The following PPM1H variants were observed in gnomAD, a reference collection of about 807,000 sequenced individuals.
PPM1H encodes protein phosphatase 1H.
PPM1H carries 27 observed loss-of-function variants against 54.9 expected under a neutral mutation model. The ratio of observed to expected loss-of-function variants is 0.49; its 90% CI spans 0.36 to 0.68. The LOEUF is 0.68. Among genes scored for constraint, PPM1H ranks in the 30% least tolerant of loss-of-function variants. The pLI is 0.00. For synonymous variants in PPM1H, 305 were observed against 270.8 expected (o/e 1.13, Z -1.24); for missense variants, 596 against 667.8 (o/e 0.89, Z 1.19).
chr12:62,745,923 C>T (rs1005637463), intron 4 of PPM1H, among the ~76,000 whole-genome samples: 9 of 152,080 alleles, frequency 5.9e-5, no homozygotes, highest in East Asian at 1.9e-4. Context: ...CCAGGCATGA[C>T]GGCTCACACC....
chr12:62,794,502 AT>A (rs1049347874), intron 3 of PPM1H, among the ~76,000 whole-genome samples: 3 of 151,914 alleles, frequency 2.0e-5, no homozygotes, highest in African/African-American at 4.8e-5. Context: ...AAATATTGCC[AT>A]TTTCTTCCCT....
Position 62,828,386 on chromosome 12 carries a change from G to A in PPM1H, c.411+3728C>T, listed in dbSNP as rs1002884685. ...TCCTAAACCCTGAGAACATAGGGCC[G>A]GCTCCCACCTTGGTGTCTTTCAATT... On this transcript the variant is annotated intron_variant, in intron 2 of 9. Transcript: ENST00000228705. Among the ~76,000 whole-genome samples the A allele has an allele frequency of 6.6e-5, 10 of 152,128 alleles. No individual in the cohort carries two copies. In the East Asian group the frequency reaches 9.6e-4, roughly 15 times the overall value.
At chr12:62,796,426 C>T (rs1200909806) in intron 3 of PPM1H, among the ~76,000 whole-genome samples, 1 of 150,872 alleles carries the variant, frequency 6.6e-6, no homozygotes, top group East Asian at 2.0e-4. Flanking sequence ...ATCTGGGTTC[C>T]CAAGACCCCC....
chr12:62,931,125 T>C (rs189185221), intron 1 of PPM1H, among the ~76,000 whole-genome samples: 2 of 152,286 alleles, frequency 1.3e-5, no homozygotes, highest in East Asian at 3.9e-4. Context: ...TTTTCTACCA[T>C]CTCAAAGGGT....
chr12:62,867,032 C>T (rs759764792), intron 1 of PPM1H, among the ~76,000 whole-genome samples: 1 of 152,130 alleles, frequency 6.6e-6, no homozygotes, highest in South Asian at 2.1e-4. Context: ...CCAGTTCCAG[C>T]CTTTCCTGTG....
Position 62,863,277 on chromosome 12 carries a change from C to T in PPM1H, c.246-30998G>A, listed in dbSNP as rs191834772. On this transcript the variant is annotated intron_variant, in intron 1 of 9. Coordinates refer to ENST00000228705, the MANE Select transcript of PPM1H (RefSeq NM_020700.2). ...CTCCTGGGCTCAAGCAATCCCCCTGCTCTCACCTCCCAAAGTGTTGGGATT... is the reference window on the plus strand; with the variant it reads ...CTCCTGGGCTCAAGCAATCCCCCTGTTCTCACCTCCCAAAGTGTTGGGATT... Among the ~76,000 whole-genome samples the T allele has an allele frequency of 3.6e-3, 547 of 152,280 alleles. 5 individuals are homozygous for T. Among genetic ancestry groups the T allele is most frequent in the Non-Finnish European group, 1.8e-3 (125 of 68,024 alleles).
rs565370981 is a variant in PPM1H at position 62,663,432 on chromosome 12, C to T, written c.1397+3746G>A. Among the ~76,000 whole-genome samples the T allele has an allele frequency of 1.2e-3, 176 of 152,224 alleles. 1 individual carries two copies. The highest frequency in any genetic ancestry group is 3.9e-3 in the African/African-American group (164 of 41,528). ...GAACTCCCAGGTTCAGGTGATCCTC[C>T]TGCTTCAGCCTCCCAAAGGGTTAGG... is the stretch of plus-strand genomic sequence containing the variant. On this transcript the variant is annotated intron_variant, in intron 9 of 9. Coordinates refer to ENST00000228705, the MANE Select transcript of PPM1H (RefSeq NM_020700.2).
chr12:62,795,547 C>T (rs564886761), intron 3 of PPM1H, among the ~76,000 whole-genome samples: 52 of 151,974 alleles, frequency 3.4e-4, no homozygotes, highest in Non-Finnish European at 5.9e-4. Flanking sequence ...CCCGGGTTCA[C>T]ACCATTCTCC....
At chr12:62,911,409 A>G (rs1373940391) in intron 1 of PPM1H, among the ~76,000 whole-genome samples, 1 of 152,210 alleles carries the variant, frequency 6.6e-6, no homozygotes, top group Non-Finnish European at 1.5e-5. Context: ...TTTTTCTTGC[A>G]TATCAGATTT....
intron 1 of PPM1H, among the ~76,000 whole-genome samples, chr12:62,890,717 T>TACACAC (rs5798665): frequency 5.9e-4 from 84 of 143,290 alleles, no homozygotes; most frequent in African/African-American, 1.6e-3. Context: ...TGTGTGTGTA[T>TACACAC]ACACACACAC....
chr12:62,879,861 T>G (rs1265399236), intron 1 of PPM1H, among the ~76,000 whole-genome samples: 1 of 152,130 alleles, frequency 6.6e-6, no homozygotes, highest in Non-Finnish European at 1.5e-5. Flanking sequence ...TAAATTGGAA[T>G]CTCTGGGAAG....
chr12:62,916,929 A>T (rs1490252624), intron 1 of PPM1H, among the ~76,000 whole-genome samples: 26 of 149,012 alleles, frequency 1.7e-4, no homozygotes, highest in Admixed American at 2.0e-4. Flanking sequence ...CCTCTACTTA[A>T]AAAAAAAAAA....
intron 2 of PPM1H, among the ~76,000 whole-genome samples, chr12:62,821,018 C>A (rs1039259524): frequency 3.9e-5 from 6 of 152,064 alleles, no homozygotes; most frequent in Non-Finnish European, 7.4e-5. Context: ...AAGCTAAAAA[C>A]CTTGAAAAAA....
Position 62,933,084 on chromosome 12 carries a change from C to T in PPM1H, c.245+1408G>A, listed in dbSNP as rs1872200044. Reference sequence around the variant, plus strand: ...TTGGAAGTTACAATGCTATTTTGTACCTTCGCCACCCACAACGTTCTCTTC... The same window carrying T: ...TTGGAAGTTACAATGCTATTTTGTATCTTCGCCACCCACAACGTTCTCTTC... On this transcript the variant is annotated intron_variant, in intron 1 of 9. Transcript: ENST00000228705. 2.0e-5 allele frequency among the ~76,000 whole-genome samples: 3 copies of T among 152,104 alleles called. No homozygotes were observed. In the South Asian group the frequency reaches 6.2e-4, roughly 32 times the overall value.
chr12:62,828,474 A>G (rs1162377157), intron 2 of PPM1H, among the ~76,000 whole-genome samples: 1 of 152,132 alleles, frequency 6.6e-6, no homozygotes, highest in Non-Finnish European at 1.5e-5. Flanking sequence ...CCCAAATGTC[A>G]CCTTCTCAGT....
chr12:62,862,868 T>C (rs973504930), intron 1 of PPM1H, among the ~76,000 whole-genome samples: 2 of 152,242 alleles, frequency 1.3e-5, no homozygotes, highest in African/African-American at 4.8e-5. Flanking sequence ...ATTTCAATCT[T>C]TTAAAAATGC....
At chr12:62,870,882 G>C (rs1264694492) in intron 1 of PPM1H, among the ~76,000 whole-genome samples, 2 of 152,214 alleles carry the variant, frequency 1.3e-5, no homozygotes, top group African/African-American at 4.8e-5. Context: ...CACACCCACT[G>C]GGCTGGGTAT....
chr12:62,682,683 T>C (rs11504127), intron 8 of PPM1H, among the ~76,000 whole-genome samples: 6,004 of 152,208 alleles, frequency 0.039, 402 homozygotes, highest in African/African-American at 0.14. Flanking sequence ...TTTAAACTTT[T>C]TGTAGAGACA....
chr12:62,802,467 A>C (rs897972794), intron 2 of PPM1H, among the ~76,000 whole-genome samples: 1 of 152,126 alleles, frequency 6.6e-6, no homozygotes, highest in African/African-American at 2.4e-5. Context: ...TTGGAGGGTG[A>C]GATCTACTCT....
Sources: allele counts gnomAD v4.1 joint callset (sites outside exome capture counted in the v4.1 genomes callset), GRCh38; gene constraint gnomAD v4.1.1; transcripts MANE v1.5; gene names NCBI Gene and HGNC (gene_info 2026-07-23, HGNC 2026-07-21).